BCAS4: variants seen among roughly 807,000 people sequenced by gnomAD.
BCAS4 encodes breast carcinoma amplified sequence 4.
A neutral mutation model predicts 15.7 loss-of-function variants in BCAS4; 9 were observed. That is an observed-to-expected ratio of 0.57 (90% confidence interval 0.34 to 1.00). BCAS4 has a LOEUF of 1.00. Among genes scored for constraint, BCAS4 ranks in the 50% least tolerant of loss-of-function variants. The pLI, the probability that BCAS4 is intolerant of heterozygous loss-of-function variation, is 0.02. For synonymous variants in BCAS4, 101 were observed against 99.5 expected (o/e 1.02, Z -0.09); for missense variants, 225 against 239.1 (o/e 0.94, Z 0.39).
At chr20:50,852,189 A>G (rs1325369832) in intron 4 of BCAS4, among the ~76,000 whole-genome samples, 1 of 152,190 alleles carries the variant, frequency 6.6e-6, no homozygotes, top group Non-Finnish European at 1.5e-5. Flanking sequence ...ATTTGATTCC[A>G]GAGTCCCACA....
chr20:50,813,939 CA>C (rs1485938012), intron 1 of BCAS4, among the ~76,000 whole-genome samples: 2 of 151,974 alleles, frequency 1.3e-5, no homozygotes, highest in Non-Finnish European at 2.9e-5. Context: ...AGTTTATGCC[CA>C]GGGGGTTGCG....
chr20:50,819,470 G>A (rs1600858578), intron 2 of BCAS4, among the ~76,000 whole-genome samples: 1 of 152,268 alleles, frequency 6.6e-6, no homozygotes, highest in East Asian at 1.9e-4. Context: ...CGGACCCTGA[G>A]AGTGTTTGTG....
Position 50,795,152 on chromosome 20 carries a change from G to T in BCAS4, c.69G>T (p.Leu23=), listed in dbSNP as rs117388674. The stretch of plus-strand genomic sequence containing the variant: ...GGGCGCGCGAGCTCGCGCTCTTCCT[G>T]ACCCCCGAGCCTGGGGCCGAGGTAG... ...RSGARELALF[L]TPEPGAEAKE... The change falls in exon 1 of 5, where the codon CTG becomes CTT. Residue 23 remains leucine (L), a synonymous_variant. Coordinates refer to ENST00000371608, the MANE Select transcript of BCAS4 (RefSeq NM_198799.4). 38,579 of 1,466,190 alleles carry T rather than the reference G, an allele frequency of 0.026. 601 individuals are homozygous for T. Among genetic ancestry groups the T allele is most frequent in the African/African-American group, 0.049 (3,388 of 69,120 alleles). The allele number at this position is 1,466,190 out of a possible 1,614,324, so 90.8% of individuals were successfully genotyped here.
intron 3 of BCAS4, among the ~76,000 whole-genome samples, chr20:50,831,019 C>G (rs1470031935): frequency 2.6e-5 from 4 of 152,120 alleles, no homozygotes; most frequent in Non-Finnish European, 5.9e-5. Context: ...AATGTATACA[C>G]GCCTAAGTAT....
chr20:50,803,201 AAG>A (rs573036167), intron 1 of BCAS4, among the ~76,000 whole-genome samples: 7 of 152,140 alleles, frequency 4.6e-5, no homozygotes, highest in Non-Finnish European at 1.0e-4. Flanking sequence ...CACGTTCCCA[AAG>A]ATTAGAAATA....
chr20:50,800,082 C>T (rs1340868556), intron 1 of BCAS4, among the ~76,000 whole-genome samples: 1 of 152,110 alleles, frequency 6.6e-6, no homozygotes, highest in Non-Finnish European at 1.5e-5. Context: ...AACAAAACCT[C>T]TAAACTGTAA....
chr20:50,863,226 T>C (rs12480189), intron 4 of BCAS4, among the ~76,000 whole-genome samples: 11,661 of 150,538 alleles, frequency 0.077, 789 homozygotes, highest in East Asian at 0.23. Context: ...AGGTCAGGTT[T>C]TCTTCCCAGA....
chr20:50,862,016 G>A (rs1461498568), intron 4 of BCAS4, among the ~76,000 whole-genome samples: 1 of 151,574 alleles, frequency 6.6e-6, no homozygotes, highest in Non-Finnish European at 1.5e-5. Context: ...ACCATGCTTG[G>A]CTAATTTATT....
At chr20:50,837,280 G>A (rs781345343) in intron 3 of BCAS4, among the ~76,000 whole-genome samples, 5 of 152,142 alleles carry the variant, frequency 3.3e-5, no homozygotes, top group Non-Finnish European at 5.9e-5. Flanking sequence ...CTGAAGCTGG[G>A]AATTATTTGG....
chr20:50,794,903 GCGCTGCC>G, upstream of BCAS4: 1 of 891,942 alleles, frequency 1.1e-6, no homozygotes, highest in Non-Finnish European at 1.4e-6. Context: ...CCACTGGGTG[GCGCTGCC>G]CGCTCGGCCC....
intron 4 of BCAS4, among the ~76,000 whole-genome samples, chr20:50,848,205 G>A (rs955483253): frequency 3.9e-5 from 6 of 152,064 alleles, no homozygotes; most frequent in African/African-American, 1.2e-4. Context: ...GCAGTGAGTC[G>A]AGATTGCACC....
At chr20:50,831,660 G>A (rs1370507968) in intron 3 of BCAS4, among the ~76,000 whole-genome samples, 1 of 152,140 alleles carries the variant, frequency 6.6e-6, no homozygotes, top group Non-Finnish European at 1.5e-5. Context: ...CTTCTCTGGG[G>A]TCACACTAGT....
chr20:50,873,155 C>T (rs891257855), intron 4 of BCAS4, among the ~76,000 whole-genome samples: 1 of 152,254 alleles, frequency 6.6e-6, no homozygotes, highest in African/African-American at 2.4e-5. Flanking sequence ...ACATCTAGAG[C>T]TGCCGGCGGC....
chr20:50,824,825 C>T (rs8114995), intron 2 of BCAS4, among the ~76,000 whole-genome samples: 35,310 of 152,144 alleles, frequency 0.23, 5,959 homozygotes, highest in African/African-American at 0.48. Flanking sequence ...GTCCAGGTCT[C>T]CTGATTTTTC....
intron 1 of BCAS4, among the ~76,000 whole-genome samples, chr20:50,803,398 C>T (rs1398874218): frequency 1.3e-5 from 2 of 152,010 alleles, no homozygotes; most frequent in Admixed American, 6.6e-5. Context: ...AAACAGAAGG[C>T]AAAAATATGT....
At chr20:50,868,337 A>G (rs1979460330) in intron 4 of BCAS4, among the ~76,000 whole-genome samples, 1 of 152,196 alleles carries the variant, frequency 6.6e-6, no homozygotes, top group East Asian at 1.9e-4. Context: ...ACAATTTGGA[A>G]TTGTTTTGGA....
At chr20:50,837,353 G>A (rs553549403) in intron 3 of BCAS4, among the ~76,000 whole-genome samples, 174 of 152,248 alleles carry the variant, frequency 1.1e-3, no homozygotes, top group African/African-American at 3.6e-3. Context: ...TTGGGAGGCC[G>A]AAGTGGGAGG....
intron 4 of BCAS4, among the ~76,000 whole-genome samples, chr20:50,871,674 C>T (rs1019798173): frequency 2.5e-4 from 38 of 152,352 alleles, no homozygotes; most frequent in Admixed American, 2.2e-3. Context: ...TCTGTCTTGC[C>T]GCGTCTTCTA....
chr20:50,819,891 C>G (rs374162531), intron 2 of BCAS4, among the ~76,000 whole-genome samples: 3 of 152,074 alleles, frequency 2.0e-5, no homozygotes, highest in East Asian at 3.9e-4. Context: ...CGCTCTGTCC[C>G]CCAGGCTGGA....
Sources: allele counts gnomAD v4.1 joint callset (sites outside exome capture counted in the v4.1 genomes callset), GRCh38; gene constraint gnomAD v4.1.1; transcripts MANE v1.5; gene names NCBI Gene and HGNC (gene_info 2026-07-23, HGNC 2026-07-21).